The following LHFPL3 variants were observed in gnomAD, a reference collection of about 807,000 sequenced individuals.
The protein encoded by LHFPL3 is LHFPL tetraspan subfamily member 3.
Under a neutral mutation model 19.3 loss-of-function variants are expected in LHFPL3, and 5 were observed. The observed-to-expected ratio is 0.26, with a 90% CI of 0.14 to 0.54. LHFPL3 has a LOEUF of 0.54. Ranked by LOEUF, LHFPL3 falls within the 20% of genes least tolerant of loss-of-function variation. The pLI, the probability that LHFPL3 is intolerant of heterozygous loss-of-function variation, is 0.94. For synonymous variants in LHFPL3, 133 were observed against 126.2 expected, an observed-to-expected ratio of 1.05 and a Z score of -0.36; for missense variants, 249 against 307.4, an observed-to-expected ratio of 0.81 and a Z score of 1.42.
chr7:104,553,508 A>AT (rs980182453), intron 1 of LHFPL3, among the ~76,000 whole-genome samples: 1 of 152,136 alleles, frequency 6.6e-6, no homozygotes, highest in African/African-American at 2.4e-5. Context: ...TTCCAGAAAA[A>AT]TTTTTAACCC....
At position 104,379,237 on chromosome 7, in the gene LHFPL3, G is replaced by A. The variant is rs375483457; in HGVS notation, c.445+50013G>A. Among the ~76,000 whole-genome samples, 11 of 152,312 alleles carry A rather than the reference G, an allele frequency of 7.2e-5. No homozygotes were observed. The East Asian group carries it at 9.7e-4, about 13-fold the overall frequency. ...GATTGATTGGCAGATCCCTGGTACCGTTTCAGGACGGAGTCAAATCTCCAA... is the reference window on the plus strand; with the variant it reads ...GATTGATTGGCAGATCCCTGGTACCATTTCAGGACGGAGTCAAATCTCCAA... On this transcript the variant is annotated intron_variant, in intron 1 of 2. Transcript: ENST00000424859.
At chr7:104,847,257 A>G (rs1791330225) in intron 2 of LHFPL3, among the ~76,000 whole-genome samples, 1 of 152,214 alleles carries the variant, frequency 6.6e-6, no homozygotes, top group Admixed American at 6.5e-5. Context: ...ACAGGTGAAC[A>G]AGGTTACATT....
intron 2 of LHFPL3, among the ~76,000 whole-genome samples, chr7:104,829,942 C>A (rs1216111122): frequency 6.6e-6 from 1 of 151,980 alleles, no homozygotes; most frequent in Non-Finnish European, 1.5e-5. Flanking sequence ...CTTACAGTCC[C>A]ACCAACAGTG....
intron 1 of LHFPL3, among the ~76,000 whole-genome samples, chr7:104,631,689 A>G (rs1791645216): frequency 6.6e-6 from 1 of 152,190 alleles, no homozygotes; most frequent in Non-Finnish European, 1.5e-5. Flanking sequence ...TCAATATTGC[A>G]TTCACTTCTA....
At chr7:104,804,069 A>G (rs1242312581) in intron 2 of LHFPL3, 1 of 152,214 alleles carries the variant, frequency 6.6e-6, no homozygotes, top group African/African-American at 2.4e-5. Context: ...TAGCAGACAG[A>G]GGCAGCAGCT....
intron 2 of LHFPL3, among the ~76,000 whole-genome samples, chr7:104,891,123 G>C (rs1192931722): frequency 6.6e-6 from 1 of 151,364 alleles, no homozygotes; most frequent in Non-Finnish European, 1.5e-5. Context: ...GCCAAATTAA[G>C]GGTCTGTTTT....
intron 1 of LHFPL3, among the ~76,000 whole-genome samples, chr7:104,380,885 G>A (rs149813532): frequency 0.011 from 1,746 of 152,074 alleles, 30 homozygotes; most frequent in African/African-American, 0.039. Flanking sequence ...TAGAATTTAC[G>A]GTATAAAAGG....
chr7:104,829,211 G>A (rs927029503), intron 2 of LHFPL3, among the ~76,000 whole-genome samples: 3 of 151,832 alleles, frequency 2.0e-5, no homozygotes, highest in African/African-American at 4.9e-5. Context: ...AGGGTCCTCC[G>A]GCTGGCTTGG....
intron 1 of LHFPL3, among the ~76,000 whole-genome samples, chr7:104,341,158 G>T (rs1043040270): frequency 1.3e-5 from 2 of 152,190 alleles, no homozygotes; most frequent in Non-Finnish European, 2.9e-5. Context: ...TGAAAATTAG[G>T]TTTCTCAATA....
At chr7:104,811,170 CT>C (rs377261261) in intron 2 of LHFPL3, among the ~76,000 whole-genome samples, 12 of 5,352 alleles carry the variant, frequency 2.2e-3, no homozygotes, top group African/African-American at 3.0e-3. Context: ...TTCTTTCTTT[CT>C]TTTCTTTTCT....
chr7:104,656,185 G>A (rs1282051804), intron 1 of LHFPL3, among the ~76,000 whole-genome samples: 1 of 151,532 alleles, frequency 6.6e-6, no homozygotes, highest in East Asian at 1.9e-4. Context: ...TATGATTCCA[G>A]AGAAAGTAGA....
chr7:104,787,049 T>C (rs1331388902), intron 2 of LHFPL3, among the ~76,000 whole-genome samples: 1 of 152,172 alleles, frequency 6.6e-6, no homozygotes, highest in East Asian at 1.9e-4. Flanking sequence ...GTTTTCTTGT[T>C]TTTAGATATT....
At chr7:104,350,432 A>G (rs534752016) in intron 1 of LHFPL3, among the ~76,000 whole-genome samples, 2 of 152,328 alleles carry the variant, frequency 1.3e-5, no homozygotes, top group South Asian at 4.1e-4. Flanking sequence ...TCTCCCTTCC[A>G]TAAGAAATAA....
At chr7:104,562,403 G>T (rs199785264) in intron 1 of LHFPL3, among the ~76,000 whole-genome samples, 1 of 152,058 alleles carries the variant, frequency 6.6e-6, no homozygotes, top group Non-Finnish European at 1.5e-5. Flanking sequence ...TTTTTCTCTA[G>T]ACTTCCCTTC....
At chr7:104,844,458 A>C (rs1181330648) in intron 2 of LHFPL3, among the ~76,000 whole-genome samples, 1 of 152,234 alleles carries the variant, frequency 6.6e-6, no homozygotes, top group Admixed American at 6.5e-5. Flanking sequence ...GATAATCCAG[A>C]ATGTGAAATG....
At chr7:104,404,684 C>T (rs1791381093) in intron 1 of LHFPL3, among the ~76,000 whole-genome samples, 1 of 152,020 alleles carries the variant, frequency 6.6e-6, no homozygotes, top group Non-Finnish European at 1.5e-5. Context: ...AGGAAGGAGC[C>T]CTTTTAGGAG....
chr7:104,681,337 G>T (rs1408009789), intron 1 of LHFPL3, among the ~76,000 whole-genome samples: 1 of 151,904 alleles, frequency 6.6e-6, no homozygotes, highest in Non-Finnish European at 1.5e-5. Flanking sequence ...TTTATTGAAG[G>T]GAAGGGGCTA....
intron 2 of LHFPL3, among the ~76,000 whole-genome samples, chr7:104,870,952 T>C (rs1230121851): frequency 6.6e-6 from 1 of 152,166 alleles, no homozygotes; most frequent in Non-Finnish European, 1.5e-5. Context: ...GCAGTGTAAA[T>C]GAACCTGGTC....
At chr7:104,700,629 A>G (rs6958342) in intron 1 of LHFPL3, among the ~76,000 whole-genome samples, 151,479 of 152,360 alleles carry the variant, frequency 0.99, 75,309 homozygotes, top group East Asian at 1. Flanking sequence ...GGGCTGCATA[A>G]TATATTTGCT....
Sources: gnomAD v4.1 joint callset for allele counts (sites outside exome capture counted in the v4.1 genomes callset) on GRCh38, gnomAD v4.1.1 for gene constraint, MANE v1.5 for transcripts, NCBI Gene and HGNC (gene_info 2026-07-23, HGNC 2026-07-21) for gene names.